The following RILP variants were observed in gnomAD, a reference collection of about 807,000 sequenced individuals.
The protein encoded by RILP is rab-interacting lysosomal protein.
RILP carries 53 observed loss-of-function variants against 40.0 expected under a neutral mutation model. The observed-to-expected ratio is 1.32, with a 90% CI of 1.06 to 1.66. RILP has a LOEUF of 1.66. Among genes scored for constraint, RILP ranks in the 40% most tolerant of loss-of-function variants. The pLI is 0.00. For synonymous variants in RILP, 272 were observed against 250.6 expected (o/e 1.09, Z -0.80); for missense variants, 626 against 551.7 (o/e 1.13, Z -1.35).
At position 1,648,824 on chromosome 17, in the gene RILP, C is replaced by T. The variant is rs770535320; in HGVS notation, c.650G>A (p.Gly217Asp). 4 of 1,527,530 alleles carry T rather than the reference C, an allele frequency of 2.6e-6. No individual in the cohort carries two copies. The highest frequency in any genetic ancestry group is 3.5e-6 in the Non-Finnish European group (4 of 1,149,420). The allele number at this position is 1,527,530 out of a possible 1,614,324, so 94.6% of individuals were successfully genotyped here. A position where few individuals can be genotyped will look rare whatever the true frequency, so the allele number is the denominator to read the frequency against. ...CGGGTCCTCAGGGTTCCCTGGGGCG[C>T]CTGCGCCGGCGGTCGCCCATTCGGG... ...QEPEWATAGAGAPGNPEDPAE... is the reference protein window; with the variant it reads ...QEPEWATAGADAPGNPEDPAE... Residue 217 changes from glycine to aspartate, a missense_variant, in exon 4 of 8, where the codon GGC becomes GAC. Gly to Asp is a moderately conservative substitution (Grantham distance 94, BLOSUM62 -1). Coordinates refer to ENST00000301336, the MANE Select transcript of RILP (RefSeq NM_031430.3). This position sits in a 1 kb window ranked among gnomAD's most constrained non-coding sequence, Gnocchi z 4.9.
At chr17:1,647,442 G>C (rs756416971) in intron 6 of RILP, among the ~76,000 whole-genome samples, 3 of 152,060 alleles carry the variant, frequency 2.0e-5, no homozygotes, top group Non-Finnish European at 4.4e-5. Flanking sequence ...GCCCTGCCAA[G>C]GGTTTATTTT....
chr17:1,649,366 C>A lies in RILP; in HGVS notation c.322+46G>T. On this transcript the variant is annotated intron_variant, in intron 2 of 7. Coordinates refer to ENST00000301336, the MANE Select transcript of RILP (RefSeq NM_031430.3). The surrounding 1 kb of genome is among the most constrained non-coding windows in gnomAD (Gnocchi z 4.3). ...CGGCCCGCGGGAGGGAGGGGAGGAC[C>A]CGAGCAGGTCGTCACCCGCCCTGCC... 1 of 1,492,332 alleles carries A rather than the reference C, an allele frequency of 6.7e-7. No homozygotes were observed. The highest frequency in any genetic ancestry group is 8.9e-7 in the Non-Finnish European group (1 of 1,127,078). The allele number at this position is 1,492,332 out of a possible 1,614,324, so 92.4% of individuals were successfully genotyped here. A position where few individuals can be genotyped will look rare whatever the true frequency, so the allele number is the denominator to read the frequency against.
At position 1,648,768 on chromosome 17, in the gene RILP, G is replaced by T; in HGVS notation, c.675+31C>A. On this transcript the variant is annotated intron_variant, in intron 4 of 7. Transcript: ENST00000301336. This position sits in a 1 kb window ranked among gnomAD's most constrained non-coding sequence, Gnocchi z 4.9. ...ACCGAGGGCTGGACGCTGCGTCCTG[G>T]GCTGGGTCCTTGCCCTCATACGGCA... 1 of 1,484,982 alleles carries T rather than the reference G, an allele frequency of 6.7e-7. No homozygotes were observed. The highest frequency in any genetic ancestry group is 1.4e-5 in the African/African-American group (1 of 71,216). 92.0% of individuals were successfully genotyped at this position (1,484,982 alleles called of 1,614,324 possible).
Position 1,648,597 on chromosome 17 carries a change from G to A in RILP, c.676-102C>T. 1 of 1,494,668 alleles carries A rather than the reference G, an allele frequency of 6.7e-7. No individual in the cohort carries two copies. Among genetic ancestry groups the A allele is most frequent in the Non-Finnish European group, 8.9e-7 (1 of 1,122,038 alleles). The allele number at this position is 1,494,668 out of a possible 1,614,324, so 92.6% of individuals were successfully genotyped here. On this transcript the variant is annotated intron_variant, in intron 4 of 7. Coordinates refer to ENST00000301336, the MANE Select transcript of RILP (RefSeq NM_031430.3). This position sits in a 1 kb window ranked among gnomAD's most constrained non-coding sequence, Gnocchi z 4.9. ...GAGGAAGTGACGGGCCGGGAGACTT[G>A]GGGGACAAGGGTGCCCTAACAGATA...
At position 1,649,145 on chromosome 17, in the gene RILP, CAG is replaced by C; in HGVS notation, c.429+53_429+54del. ...CCGCCCCCGCCCCCGGAGCCCCGCC[CAG>C]CGCCTGCCACGCTCCGCCCCCGCCC... On this transcript the variant is annotated intron_variant, in intron 3 of 7. Transcript: ENST00000301336. This position sits in a 1 kb window ranked among gnomAD's most constrained non-coding sequence, Gnocchi z 4.3. The C allele has an allele frequency of 8.1e-7, 1 of 1,236,954 alleles. No individual in the cohort carries two copies. Among genetic ancestry groups the C allele is most frequent in the Non-Finnish European group, 1.0e-6 (1 of 980,390 alleles). The allele number at this position is 1,236,954 out of a possible 1,614,324, so 76.6% of individuals were successfully genotyped here.
rs1189388892 is a variant in RILP, at chr17:1,648,811, G to T, written c.663C>A (p.Asn221Lys). 5.9e-6 allele frequency: 9 copies of T among 1,524,154 alleles called. No individual in the cohort carries two copies. Among genetic ancestry groups the T allele is most frequent in the Non-Finnish European group, 7.8e-6 (9 of 1,147,550 alleles). The allele number at this position is 1,524,154 out of a possible 1,614,324, so 94.4% of individuals were successfully genotyped here. ...ATACGGCACTCACCGGGTCCTCAGG[G>T]TTCCCTGGGGCGCCTGCGCCGGCGG... ...WATAGAGAPG[N>K]PEDPAEAAQQ... Residue 221 changes from asparagine to lysine, a missense_variant, in exon 4 of 8, where the codon AAC (asparagine) becomes AAA (lysine). Asn to Lys is a moderately conservative substitution (Grantham distance 94, BLOSUM62 0). Transcript: ENST00000301336. The surrounding 1 kb of genome is among the most constrained non-coding windows in gnomAD (Gnocchi z 4.9).
In RILP at chr17:1,647,391, T is replaced by C. The variant is rs575475685; in HGVS notation, c.945-402A>G. ...CTGACCTCAGGTGATCTACCCACCT[T>C]AGCCTCTCAAAGTGCTGGGATTACA... On this transcript the variant is annotated intron_variant, in intron 6 of 7. Transcript: ENST00000301336. Among the ~76,000 whole-genome samples, 12 of 152,222 alleles carry C rather than the reference T, an allele frequency of 7.9e-5. No individual in the cohort carries two copies. The South Asian group carries it at 2.1e-3, about 26-fold the overall frequency.
Position 1,648,044 on chromosome 17 carries a change from C to T in RILP, c.822-87G>A. The T allele has an allele frequency of 1.3e-6, 2 of 1,525,882 alleles. No homozygotes were observed. The highest frequency in any genetic ancestry group is 1.8e-6 in the Non-Finnish European group (2 of 1,120,230). 94.5% of individuals were successfully genotyped at this position (1,525,882 alleles called of 1,614,324 possible). On this transcript the variant is annotated intron_variant, in intron 5 of 7. Transcript: ENST00000301336. The surrounding 1 kb of genome is among the most constrained non-coding windows in gnomAD (Gnocchi z 4.9). ...GTGGAGATGCCAGCCGCAGTCCTCA[C>T]TCCTGGTACCTGTGCACGCAGCTCT...
intron 6 of RILP, among the ~76,000 whole-genome samples, chr17:1,647,193 G>T (rs1016578412): frequency 2.0e-5 from 3 of 151,828 alleles, no homozygotes; most frequent in Non-Finnish European, 4.4e-5. Context: ...AGGCTGGAGT[G>T]CAGTGGTGCG....
In RILP at chr17:1,649,052, C is replaced by A; in HGVS notation, c.430-8G>T. 1 of 352,438 alleles carries A rather than the reference C, an allele frequency of 2.8e-6. No individual in the cohort carries two copies. The highest frequency in any genetic ancestry group is 4.2e-6 in the Non-Finnish European group (1 of 238,798). The allele number at this position is 352,438 out of a possible 1,614,324, so 21.8% of individuals were successfully genotyped here. ...CTGCAGCTGCTCCTGCAACTGGGAG[C>A]GGAGCAAAGGGTGGGGTGGGCGGGG... On this transcript the variant is annotated splice_region_variant and splice_polypyrimidine_tract_variant and intron_variant, in intron 3 of 7. Coordinates refer to ENST00000301336, the MANE Select transcript of RILP (RefSeq NM_031430.3). The surrounding 1 kb of genome is among the most constrained non-coding windows in gnomAD (Gnocchi z 4.3).
At chr17:1,647,285 ACATGCCAC>A (rs1910661566) in intron 6 of RILP, among the ~76,000 whole-genome samples, 1 of 152,012 alleles carries the variant, frequency 6.6e-6, no homozygotes, top group Non-Finnish European at 1.5e-5. Context: ...GATTATAGGC[ACATGCCAC>A]CATGCCCGGC....
Position 1,646,755 on chromosome 17 carries a change from C to A in RILP, c.1029-136G>T. ...TGAGGGAGTGTGAAGGTGATGGGGGCCAGGGCCAGAGAAGCAGGAGGGGAC... is the reference window on the plus strand; with the variant it reads ...TGAGGGAGTGTGAAGGTGATGGGGGACAGGGCCAGAGAAGCAGGAGGGGAC... On this transcript the variant is annotated intron_variant, in intron 7 of 7. Coordinates refer to ENST00000301336, the MANE Select transcript of RILP (RefSeq NM_031430.3). This position sits in a 1 kb window ranked among gnomAD's most constrained non-coding sequence, Gnocchi z 4.3. The A allele has an allele frequency of 9.2e-7, 1 of 1,084,174 alleles. No individual in the cohort carries two copies. Among genetic ancestry groups the A allele is most frequent in the Non-Finnish European group, 1.3e-6 (1 of 754,298 alleles). The allele number at this position is 1,084,174 out of a possible 1,614,324, so 67.2% of individuals were successfully genotyped here.
In RILP at chr17:1,648,919, G is replaced by C; in HGVS notation, c.555C>G (p.Ala185=). 1 of 1,521,822 alleles carries C rather than the reference G, an allele frequency of 6.6e-7. No homozygotes were observed. The highest frequency in any genetic ancestry group is 8.8e-7 in the Non-Finnish European group (1 of 1,141,536). The allele number at this position is 1,521,822 out of a possible 1,614,324, so 94.3% of individuals were successfully genotyped here. A position where few individuals can be genotyped will look rare whatever the true frequency, so the allele number is the denominator to read the frequency against. ...RERERQQPGE[A]ATPQAKERAR... ...CTCGCTCTTTAGCCTGCGGAGTCGC[G>C]GCTTCGCCAGGCTGCTGGCGCTCCC... is the stretch of plus-strand genomic sequence containing the variant. The change falls in exon 4 of 8, where the codon GCC becomes GCG. Residue 185 remains alanine, a synonymous_variant. Coordinates refer to ENST00000301336, the MANE Select transcript of RILP (RefSeq NM_031430.3). The surrounding 1 kb of genome is among the most constrained non-coding windows in gnomAD (Gnocchi z 4.9).
In RILP at chr17:1,646,950, G is replaced by C. The variant is rs1374877822; in HGVS notation, c.984C>G (p.Asp328Glu). 1 of 1,609,026 alleles carries C rather than the reference G, an allele frequency of 6.2e-7. No individual in the cohort carries two copies. Among genetic ancestry groups the C allele is most frequent in the East Asian group, 2.2e-5 (1 of 44,620 alleles). ...EAGPWILLSD[D>E]KGDHPPPPES... ...CCGGGGGTGGGGGATGGTCTCCCTT[G>C]TCATCGGAGAGCAGGATCCATGGGC... is the stretch of plus-strand genomic sequence containing the variant. The change falls in exon 7 of 8, where the codon GAC (aspartate) becomes GAG (glutamate). Residue 328 changes from aspartate to glutamate, a missense_variant. Physicochemically the swap from Asp to Glu is conservative, Grantham distance 45 (BLOSUM62 2). Coordinates refer to ENST00000301336, the MANE Select transcript of RILP (RefSeq NM_031430.3). This position sits in a 1 kb window ranked among gnomAD's most constrained non-coding sequence, Gnocchi z 4.3.
chr17:1,646,636 A>G lies in RILP; in HGVS notation c.1029-17T>C. 6.4e-7 allele frequency: 1 copy of G among 1,552,044 alleles called. No individual in the cohort carries two copies. Among genetic ancestry groups the G allele is most frequent in the Non-Finnish European group, 8.7e-7 (1 of 1,148,298 alleles). ...AGGCCAAAGCTGGAGAGAGACAGCC[A>G]GAGGCACTTTGAGCCAGGAAGCCAG... is the stretch of plus-strand genomic sequence containing the variant. On this transcript the variant is annotated splice_polypyrimidine_tract_variant and intron_variant, in intron 7 of 7. Transcript: ENST00000301336. This position sits in a 1 kb window ranked among gnomAD's most constrained non-coding sequence, Gnocchi z 4.3.
At position 1,648,234 on chromosome 17, in the gene RILP, C is replaced by CAATT. The variant is rs1567670379; in HGVS notation, c.821+112_821+115dup. The CAATT allele has an allele frequency of 7.4e-7, 1 of 1,348,310 alleles. No homozygotes were observed. Among genetic ancestry groups the CAATT allele is most frequent in the Non-Finnish European group, 1.0e-6 (1 of 980,462 alleles). 83.5% of individuals were successfully genotyped at this position (1,348,310 alleles called of 1,614,324 possible). On this transcript the variant is annotated intron_variant, in intron 5 of 7. Coordinates refer to ENST00000301336, the MANE Select transcript of RILP (RefSeq NM_031430.3). The surrounding 1 kb of genome is among the most constrained non-coding windows in gnomAD (Gnocchi z 4.9). The stretch of plus-strand genomic sequence containing the variant: ...ACATTGCAGGAGGGCAAGGGCTGTA[C>CAATT]AATTCATGTCCTCCCAGTTCCCAGC...
chr17:1,647,256 C>T (rs1158885989), intron 6 of RILP, among the ~76,000 whole-genome samples: 3 of 152,138 alleles, frequency 2.0e-5, no homozygotes, highest in Admixed American at 6.5e-5. Context: ...TCTCCTGCCG[C>T]AGCCTCCTGA....
Position 1,648,919 on chromosome 17 carries a change from G to T in RILP, c.555C>A (p.Ala185=). ...RERERQQPGE[A]ATPQAKERAR... ...CTCGCTCTTTAGCCTGCGGAGTCGC[G>T]GCTTCGCCAGGCTGCTGGCGCTCCC... Residue 185 remains alanine (A), a synonymous_variant, in exon 4 of 8, where the codon GCC becomes GCA. Coordinates refer to ENST00000301336, the MANE Select transcript of RILP (RefSeq NM_031430.3). The surrounding 1 kb of genome is among the most constrained non-coding windows in gnomAD (Gnocchi z 4.9). 6.6e-7 allele frequency: 1 copy of T among 1,521,822 alleles called. No individual in the cohort carries two copies. Among genetic ancestry groups the T allele is most frequent in the Non-Finnish European group, 8.8e-7 (1 of 1,141,536 alleles). The allele number at this position is 1,521,822 out of a possible 1,614,324, so 94.3% of individuals were successfully genotyped here.
chr17:1,647,715 G>A (rs1910698030), intron 6 of RILP, 120 bp downstream of exon 6: 2 of 1,319,798 alleles, frequency 1.5e-6, no homozygotes, highest in Non-Finnish European at 2.1e-6. Flanking sequence ...GGGGTGACCG[G>A]GTTGGGGTGA....
Sources: allele counts gnomAD v4.1 joint callset (sites outside exome capture counted in the v4.1 genomes callset), GRCh38; gene constraint gnomAD v4.1.1; non-coding constraint Gnocchi (gnomAD v3.1); transcripts MANE v1.5; gene names NCBI Gene and HGNC (gene_info 2026-07-23, HGNC 2026-07-21).